Variants in KLRG1 observed in about 807,000 individuals in gnomAD.
KLRG1 encodes killer cell lectin like receptor G1, also known as killer cell lectin-like receptor subfamily G member 1.
In KLRG1, 16 loss-of-function variants were observed where a neutral mutation model predicts 21.8. The ratio of observed to expected loss-of-function variants is 0.73; its 90% confidence interval spans 0.50 to 1.11. The LOEUF is 1.11. KLRG1 is among the 50% of genes most tolerant of loss of function. The pLI is 0.00. For synonymous variants in KLRG1, 69 were observed against 75.9 expected (o/e 0.91, Z 0.47); for missense variants, 173 against 218.3 (o/e 0.79, Z 1.31).
chr12:9,054,967 A>G, the KLRG1 span, among the ~76,000 whole-genome samples: 6 of 152,240 alleles, frequency 3.9e-5, no homozygotes, highest in Non-Finnish European at 8.8e-5. Context: ...AAAAAATTCA[A>G]AATTCAAAAC....
chr12:8,965,527 T>G (rs994176623), intron 1 of KLRG1, among the ~76,000 whole-genome samples: 2 of 152,114 alleles, frequency 1.3e-5, no homozygotes, highest in African/African-American at 2.4e-5. Flanking sequence ...ATCACAAGCA[T>G]TCTTATACAC....
the KLRG1 span, among the ~76,000 whole-genome samples, chr12:9,108,023 A>G: frequency 6.6e-6 from 1 of 152,168 alleles, no homozygotes; most frequent in Non-Finnish European, 1.5e-5. Context: ...TAGGAATACA[A>G]ACTATTAGTA....
In KLRG1 at chr12:8,965,090, T is replaced by G. The variant is rs748269357; in HGVS notation, c.-156+14854T>G. Reference sequence around the variant, plus strand: ...AACAGAACCAAAGACAAAAACCACATGATTATCTCAATAGATGCAGAAAAG... The same window carrying G: ...AACAGAACCAAAGACAAAAACCACAGGATTATCTCAATAGATGCAGAAAAG... On this transcript the variant is annotated intron_variant, in intron 1 of 4. Coordinates refer to the KLRG1 transcript ENST00000539240. Among the ~76,000 whole-genome samples the G allele has an allele frequency of 2.1e-3, 317 of 152,274 alleles. 1 individual carries two copies. The highest frequency in any genetic ancestry group is 7.1e-3 in the African/African-American group (296 of 41,550).
the KLRG1 span, among the ~76,000 whole-genome samples, chr12:9,178,540 A>G: frequency 6.6e-6 from 1 of 152,214 alleles, no homozygotes; most frequent in Non-Finnish European, 1.5e-5. Flanking sequence ...AGAAAAAATA[A>G]TGTATGCTGA....
At chr12:9,112,691 T>C in the KLRG1 span, 1 of 728,804 alleles carries the variant, frequency 1.4e-6, no homozygotes. Context: ...GAATCACTTC[T>C]GCCATTTTAC....
chr12:9,099,122 A>G, the KLRG1 span, among the ~76,000 whole-genome samples: 2 of 152,078 alleles, frequency 1.3e-5, no homozygotes, highest in Non-Finnish European at 2.9e-5. Flanking sequence ...ATATTTCCCA[A>G]CGTTTCATCA....
the KLRG1 span, among the ~76,000 whole-genome samples, chr12:9,181,396 G>A: frequency 2.0e-4 from 31 of 152,264 alleles, no homozygotes; most frequent in Admixed American, 8.5e-4. Context: ...CCTTATGTTT[G>A]CAAGTATTAA....
At chr12:8,962,341 G>C (rs768621215) in intron 1 of KLRG1, among the ~76,000 whole-genome samples, 1 of 152,182 alleles carries the variant, frequency 6.6e-6, no homozygotes, top group Non-Finnish European at 1.5e-5. Context: ...ATATATGATG[G>C]ATGGGATCAA....
the KLRG1 span, among the ~76,000 whole-genome samples, chr12:9,109,161 G>T: frequency 6.6e-6 from 1 of 152,120 alleles, no homozygotes; most frequent in Non-Finnish European, 1.5e-5. Flanking sequence ...AATAAAAATA[G>T]AAAAGCAACA....
the KLRG1 span, among the ~76,000 whole-genome samples, chr12:9,117,103 C>T: frequency 6.6e-6 from 1 of 152,088 alleles, no homozygotes; most frequent in Non-Finnish European, 1.5e-5. Flanking sequence ...AAAGAGCTTT[C>T]TAAGCATAAC....
chr12:9,003,676 T>C (rs913728796), intron 3 of KLRG1, among the ~76,000 whole-genome samples: 1 of 148,200 alleles, frequency 6.7e-6, no homozygotes, highest in African/African-American at 2.4e-5. Context: ...ACAGAGTTTG[T>C]GTTCAGAGGG....
At chr12:9,206,205 T>C in the KLRG1 span, among the ~76,000 whole-genome samples, 1 of 151,820 alleles carries the variant, frequency 6.6e-6, no homozygotes, top group South Asian at 2.1e-4. Flanking sequence ...TACATCCCCA[T>C]CAAAAAATTT....
chr12:9,032,125 A>G, the KLRG1 span, among the ~76,000 whole-genome samples: 57 of 152,218 alleles, frequency 3.7e-4, no homozygotes, highest in Middle Eastern at 3.2e-3. Context: ...ACAGAAGCTC[A>G]CCTATGATTA....
the KLRG1 span, chr12:9,153,186 A>G: frequency 1.2e-6 from 2 of 1,614,202 alleles, no homozygotes. Flanking sequence ...GAGCTCTGGC[A>G]ATGAGATCTG....
the KLRG1 span, among the ~76,000 whole-genome samples, chr12:9,171,543 C>T: frequency 0.077 from 11,655 of 152,132 alleles, 553 homozygotes; most frequent in African/African-American, 0.14. Context: ...AAGTGGATAA[C>T]AATAAACTTT....
At chr12:8,956,698 C>T (rs757815320) in intron 1 of KLRG1, among the ~76,000 whole-genome samples, 3 of 152,340 alleles carry the variant, frequency 2.0e-5, no homozygotes, top group African/African-American at 4.8e-5. Context: ...TCTCCCACCT[C>T]AGGCTCCCAA....
the KLRG1 span, among the ~76,000 whole-genome samples, chr12:9,213,179 A>G: frequency 1.3e-5 from 2 of 152,182 alleles, no homozygotes; most frequent in African/African-American, 4.8e-5. Flanking sequence ...ATATTGAACA[A>G]TATTCCAATG....
chr12:9,152,808 G>A, the KLRG1 span: 12 of 1,613,378 alleles, frequency 7.4e-6, no homozygotes, highest in Admixed American at 5.0e-5. Flanking sequence ...TAGGTGATTA[G>A]GTTAGAACGT....
the KLRG1 span, chr12:9,165,360 C>G: frequency 4.3e-6 from 7 of 1,613,862 alleles, no homozygotes; most frequent in Middle Eastern, 4.9e-4. Context: ...TCAGCCACAC[C>G]TGATGAGCTG....
Sources: gnomAD v4.1 joint callset for allele counts (sites outside exome capture counted in the v4.1 genomes callset) on GRCh38, gnomAD v4.1.1 for gene constraint, MANE v1.5 for transcripts, NCBI Gene and HGNC (gene_info 2026-07-23, HGNC 2026-07-21) for gene names.